CCDC62: variants seen among roughly 807,000 people sequenced by gnomAD.
CCDC62 encodes the protein coiled-coil domain containing 62, also known as coiled-coil domain-containing protein 62.
Under a neutral mutation model 80.8 loss-of-function variants are expected in CCDC62, and 72 were observed. The ratio of observed to expected loss-of-function variants is 0.89; its 90% CI spans 0.74 to 1.08. CCDC62 has a LOEUF of 1.08. Among genes scored for constraint, CCDC62 ranks in the 50% least tolerant of loss-of-function variants. CCDC62 has a pLI of 0.00. For missense variants in CCDC62, 704 were observed against 809.4 expected, an observed-to-expected ratio of 0.87 and a Z score of 1.58; for synonymous variants, 286 against 296.5, an observed-to-expected ratio of 0.96 and a Z score of 0.36.
At chr12:122,810,356 G>A (rs1252717706) in intron 10 of CCDC62, among the ~76,000 whole-genome samples, 3 of 152,162 alleles carry the variant, frequency 2.0e-5, no homozygotes, top group South Asian at 2.1e-4. Context: ...ACAAATGGGC[G>A]AAGGATATGA....
chr12:122,812,752 GGAGGGAGAGA>G (rs1227744650), intron 10 of CCDC62, among the ~76,000 whole-genome samples: 1 of 51,514 alleles, frequency 1.9e-5, no homozygotes, highest in African/African-American at 1.1e-4. Context: ...AGAGAGAGAG[GGAGGGAGAGA>G]GAGAGAGAGA....
At chr12:122,794,461 C>G (rs2030813408) in intron 6 of CCDC62, among the ~76,000 whole-genome samples, 1 of 152,112 alleles carries the variant, frequency 6.6e-6, no homozygotes, top group South Asian at 2.1e-4. Flanking sequence ...TCCCAAAGCC[C>G]CAAAGCGTTG....
Position 122,774,576 on chromosome 12 carries a change from C to CG in CCDC62, c.-92dup. The CG allele has an allele frequency of 2.0e-6, 2 of 994,424 alleles. No homozygotes were observed. Among genetic ancestry groups the CG allele is most frequent in the Non-Finnish European group, 2.6e-6 (2 of 768,468 alleles). 61.6% of individuals were successfully genotyped at this position (994,424 alleles called of 1,614,324 possible). On this transcript the variant is annotated 5_prime_UTR_variant, in exon 1 of 13. Transcript: ENST00000253079. Reference sequence around the variant, plus strand: ...CCGAGGGCGCGGGGCCCCGGGGCTCCGGGCTCGCCCCCGCCGCTCGGGGCA... The same window carrying CG: ...CCGAGGGCGCGGGGCCCCGGGGCTCCGGGGCTCGCCCCCGCCGCTCGGGGCA...
chr12:122,774,777 C>T (rs959140055), intron 1 of CCDC62, 71 bp downstream of exon 1: 1 of 1,134,470 alleles, frequency 8.8e-7, no homozygotes, highest in Non-Finnish European at 1.1e-6. Context: ...TATTGCTTCT[C>T]AAGAACGGTG....
rs1375918102 is a variant in CCDC62 at position 122,811,280 on chromosome 12, C to T, written c.1852-1990C>T. Among the ~76,000 whole-genome samples the T allele has an allele frequency of 3.0e-5, 4 of 135,194 alleles. No individual in the cohort carries two copies. The South Asian group carries it at 6.8e-4, about 23-fold the overall frequency. The allele number at this position is 135,194 out of a possible 152,430, so 88.7% of individuals were successfully genotyped here. A position where few individuals can be genotyped will look rare whatever the true frequency, so the allele number is the denominator to read the frequency against. ...AGGCTGGAGTGCAATGGCACGATCT[C>T]GGCTCACCGCAACCTCCGCCTCCCA... On this transcript the variant is annotated intron_variant, in intron 10 of 12. Coordinates refer to ENST00000253079, the MANE Select transcript of CCDC62 (RefSeq NM_201435.5).
chr12:122,813,443 C>G (rs944068580), intron 11 of CCDC62, 24 bp downstream of exon 11: 3 of 1,601,182 alleles, frequency 1.9e-6, no homozygotes, highest in Admixed American at 3.4e-5. Flanking sequence ...TTTCTCTTGA[C>G]TATATTTGTC....
In CCDC62 at chr12:122,777,488, T is replaced by C. The variant is rs1221802391; in HGVS notation, c.37-3T>C. ...TTGATGTGAAACCGCTTTCTATGTTTAGAACATCGGGTCAGAAGTTGAGAT... is the reference window on the plus strand; with the variant it reads ...TTGATGTGAAACCGCTTTCTATGTTCAGAACATCGGGTCAGAAGTTGAGAT... On this transcript the variant is annotated splice_polypyrimidine_tract_variant and splice_region_variant and intron_variant, in intron 1 of 12. Transcript: ENST00000253079. The C allele has an allele frequency of 1.2e-6, 2 of 1,602,650 alleles. No homozygotes were observed. The highest frequency in any genetic ancestry group is 2.7e-5 in the African/African-American group (2 of 74,476).
chr12:122,791,750 A>G (rs2030620131), intron 5 of CCDC62, among the ~76,000 whole-genome samples: 1 of 152,144 alleles, frequency 6.6e-6, no homozygotes, highest in South Asian at 2.1e-4. Flanking sequence ...CGCTGGGCAG[A>G]TTTTGATTTT....
At chr12:122,798,445 A>G (rs377713218) in intron 8 of CCDC62, among the ~76,000 whole-genome samples, 67 of 152,154 alleles carry the variant, frequency 4.4e-4, no homozygotes, top group African/African-American at 1.6e-3. Context: ...TCTACTAAAA[A>G]TACAAACATT....
chr12:122,812,717 G>A (rs1468113290), intron 10 of CCDC62, among the ~76,000 whole-genome samples: 1 of 99,480 alleles, frequency 1.0e-5, no homozygotes, highest in Non-Finnish European at 1.9e-5. Context: ...GCGAGACTCC[G>A]TCTCAAAAAA....
At position 122,826,958 on chromosome 12, in the gene CCDC62, G is replaced by C. The variant is rs112414182; in HGVS notation, c.*577G>C. The stretch of plus-strand genomic sequence containing the variant: ...ATAAAATGTAACTGGAAAATAGCTC[G>C]AGGTCCTTCTGTCCCAAGCTGAGCA... On this transcript the variant is annotated 3_prime_UTR_variant, in exon 13 of 13. Transcript: ENST00000253079. 554 of 152,578 alleles carry C rather than the reference G, an allele frequency of 3.6e-3. 4 individuals are homozygous for C. The highest frequency in any genetic ancestry group is 6.3e-3 in the Non-Finnish European group (430 of 68,278). 9.5% of individuals were successfully genotyped at this position (152,578 alleles called of 1,614,324 possible).
intron 3 of CCDC62, among the ~76,000 whole-genome samples, chr12:122,783,219 C>T (rs571449695): frequency 1.3e-5 from 2 of 150,818 alleles, no homozygotes; most frequent in South Asian, 4.2e-4. Context: ...TTTGTTATAT[C>T]CTTCATTCTT....
intron 9 of CCDC62, among the ~76,000 whole-genome samples, chr12:122,803,884 C>T (rs374711586): frequency 4.6e-5 from 7 of 152,202 alleles, no homozygotes; most frequent in African/African-American, 1.4e-4. Flanking sequence ...TTAAATTTAA[C>T]GTATGAAATA....
intron 10 of CCDC62, among the ~76,000 whole-genome samples, chr12:122,812,773 G>GAA (rs1555257959): frequency 0.015 from 1,024 of 68,710 alleles, 10 homozygotes; most frequent in East Asian, 0.021. Flanking sequence ...GAGAGAGAGA[G>GAA]AGAGAGAAAG....
intron 10 of CCDC62, among the ~76,000 whole-genome samples, chr12:122,812,646 A>AGGCAGGAGAATGGCATGAACCC (rs547631737): frequency 8.4e-5 from 1 of 11,894 alleles, no homozygotes; most frequent in African/African-American, 1.3e-4. Flanking sequence ...TGGGAGGCTG[A>AGGCAGGAGAATGGCATGAACCC]GGTGGGTGGA....
At chr12:122,817,448 C>T (rs983654666) in intron 11 of CCDC62, among the ~76,000 whole-genome samples, 1 of 151,962 alleles carries the variant, frequency 6.6e-6, no homozygotes, top group African/African-American at 2.4e-5. Flanking sequence ...CCTCAGCCTC[C>T]TGAGTAGCTG....
intron 8 of CCDC62, among the ~76,000 whole-genome samples, chr12:122,799,679 G>A (rs2031175306): frequency 6.6e-6 from 1 of 152,196 alleles, no homozygotes; most frequent in African/African-American, 2.4e-5. Context: ...TTGAAAGGGA[G>A]AGGGATTAGG....
rs1359073646 is a variant in CCDC62, at chr12:122,826,822, A to G, written c.*441A>G. 1 of 179,558 alleles carries G rather than the reference A, an allele frequency of 5.6e-6. No homozygotes were observed. Among genetic ancestry groups the G allele is most frequent in the Non-Finnish European group, 1.2e-5 (1 of 86,536 alleles). The allele number at this position is 179,558 out of a possible 1,614,324, so 11.1% of individuals were successfully genotyped here. A position where few individuals can be genotyped will look rare whatever the true frequency, so the allele number is the denominator to read the frequency against. On this transcript the variant is annotated 3_prime_UTR_variant, in exon 13 of 13. Coordinates refer to ENST00000253079, the MANE Select transcript of CCDC62 (RefSeq NM_201435.5). ...AAATCTGTGCATACATTTAAATTCT[A>G]AACAATAGCTTATCAGAGTCAGCTC...
chr12:122,787,254 C>T (rs2135538618), intron 4 of CCDC62, among the ~76,000 whole-genome samples: 1 of 152,194 alleles, frequency 6.6e-6, no homozygotes, highest in Non-Finnish European at 1.5e-5. Context: ...TTGAGACTAG[C>T]CTAGCCAACA....
Sources: gnomAD v4.1 joint callset for allele counts (sites outside exome capture counted in the v4.1 genomes callset) on GRCh38, gnomAD v4.1.1 for gene constraint, MANE v1.5 for transcripts, NCBI Gene and HGNC (gene_info 2026-07-23, HGNC 2026-07-21) for gene names.